The following PSG3 variants were observed in gnomAD, a reference collection of about 807,000 sequenced individuals.
PSG3 encodes pregnancy specific beta-1-glycoprotein 3.
Under a neutral mutation model 47.5 loss-of-function variants are expected in PSG3, and 61 were observed. That is an observed-to-expected ratio of 1.28 (90% CI 1.05 to 1.59). PSG3 has a LOEUF of 1.59. Ranked by LOEUF, PSG3 falls within the 40% of genes most tolerant of loss-of-function variation. The pLI is 0.00. For missense variants in PSG3, 756 were observed against 524.0 expected (o/e 1.44, Z -4.32); for synonymous variants, 263 against 198.4 (o/e 1.33, Z -2.74).
At chr19:42,736,257 A>G (rs1341452514) in intron 2 of PSG3, among the ~76,000 whole-genome samples, 1 of 152,220 alleles carries the variant, frequency 6.6e-6, no homozygotes, top group Non-Finnish European at 1.5e-5. Flanking sequence ...TCCTATAGAT[A>G]ACATCACTAT....
At chr19:42,728,837 CCTT>C (rs1224107851) in intron 5 of PSG3, among the ~76,000 whole-genome samples, 1 of 152,206 alleles carries the variant, frequency 6.6e-6, no homozygotes, top group Non-Finnish European at 1.5e-5. Context: ...TGAGGACTCT[CCTT>C]CTTGTCCCTC....
intron 5 of PSG3, among the ~76,000 whole-genome samples, chr19:42,726,347 A>C (rs2122164418): frequency 6.6e-6 from 1 of 152,308 alleles, no homozygotes; most frequent in African/African-American, 2.4e-5. Context: ...GAAGGAGTAA[A>C]ATTATTTCTG....
chr19:42,726,165 T>C (rs536736425), intron 5 of PSG3, among the ~76,000 whole-genome samples: 2 of 152,138 alleles, frequency 1.3e-5, no homozygotes, highest in South Asian at 4.1e-4. Flanking sequence ...AGGCAATATG[T>C]GAAAAACCCA....
chr19:42,738,384 C>A (rs530140212), intron 2 of PSG3, among the ~76,000 whole-genome samples: 17 of 152,284 alleles, frequency 1.1e-4, no homozygotes, highest in African/African-American at 3.9e-4. Flanking sequence ...TTTCATGGGG[C>A]CCCTGAGGCC....
chr19:42,738,424 T>G (rs1331658811), intron 2 of PSG3, among the ~76,000 whole-genome samples: 1 of 152,206 alleles, frequency 6.6e-6, no homozygotes, highest in African/African-American at 2.4e-5. Flanking sequence ...AGGGTCTTTC[T>G]CAGGGTCAAA....
At chr19:42,737,416 T>C (rs60594018) in intron 2 of PSG3, among the ~76,000 whole-genome samples, 1,665 of 152,098 alleles carry the variant, frequency 0.011, 33 homozygotes, top group African/African-American at 0.039. Context: ...AGGGTGTGAG[T>C]GGGGAAAGAA....
At position 42,729,233 on chromosome 19, in the gene PSG3, T is replaced by C. The variant is rs761109439; in HGVS notation, c.1133A>G (p.Lys378Arg). 1 of 1,614,016 alleles carries C rather than the reference T, an allele frequency of 6.2e-7. No homozygotes were observed. The highest frequency in any genetic ancestry group is 8.5e-7 in the Non-Finnish European group (1 of 1,179,910). Residue 378 changes from lysine (K) to arginine (R), a missense_variant, in exon 5 of 7, where the codon AAG becomes AGG. By Grantham distance (26) the Lys-to-Arg change is conservative (BLOSUM62 2). Transcript: ENST00000327495. ...INGKFQLSGQ[K>R]LFIPQITTKH... ...TGTAGTAATCTGGGGGATAAAGAGC[T>C]TTTGTCCTGATAGCTGAAACTTCCC... is the stretch of plus-strand genomic sequence containing the variant.
rs1305279486 is a variant in PSG3 at position 42,729,202 on chromosome 19, A to G, written c.1164T>C (p.His388=). ...GAACAGAGCAAGCATAGAGCCCGCT[A>G]TGCTTTGTAGTAATCTGGGGGATAA... is the stretch of plus-strand genomic sequence containing the variant. ...KLFIPQITTK[H]SGLYACSVRN... The change falls in exon 5 of 7, where the codon CAT becomes CAC. Residue 388 remains histidine, a synonymous_variant. Transcript: ENST00000327495. The G allele has an allele frequency of 1.2e-6, 2 of 1,613,918 alleles. No homozygotes were observed. Among genetic ancestry groups the G allele is most frequent in the African/African-American group, 1.3e-5 (1 of 74,932 alleles).
intron 2 of PSG3, 137 bp downstream of exon 2, chr19:42,738,587 C>T (rs192258437): frequency 5.2e-5 from 79 of 1,532,982 alleles, no homozygotes. Flanking sequence ...CTGTGTGTGT[C>T]CTGCACTAAA....
At chr19:42,736,658 G>GTGTGTA (rs1969569235) in intron 2 of PSG3, among the ~76,000 whole-genome samples, 1 of 148,242 alleles carries the variant, frequency 6.7e-6, no homozygotes, top group African/African-American at 2.5e-5. Context: ...GTGTGTGTGT[G>GTGTGTA]TGCAGGAGGC....
intron 6 of PSG3, among the ~76,000 whole-genome samples, chr19:42,723,474 A>G (rs1241474677): frequency 6.6e-6 from 1 of 152,242 alleles, no homozygotes; most frequent in African/African-American, 2.4e-5. Flanking sequence ...TGAACTTATC[A>G]AAGTGGCTAG....
intron 6 of PSG3, among the ~76,000 whole-genome samples, chr19:42,723,352 A>G (rs1162493660): frequency 1.3e-5 from 2 of 152,202 alleles, no homozygotes; most frequent in Non-Finnish European, 2.9e-5. Context: ...TTTTATATCT[A>G]TATGGGTGAA....
intron 1 of PSG3, chr19:42,739,385 T>C: frequency 5.0e-6 from 2 of 396,824 alleles, no homozygotes; most frequent in South Asian, 3.2e-5. Flanking sequence ...CACACTGCCC[T>C]CAGGTCCTGC....
chr19:42,739,215 A>AACACAC, intron 1 of PSG3, 126 bp from the exon 2 acceptor site: 1 of 1,305,248 alleles, frequency 7.7e-7, no homozygotes, highest in South Asian at 1.5e-5. Flanking sequence ...CACACATACA[A>AACACAC]ACACACACAC....
chr19:42,725,435 A>G (rs2122161781), intron 5 of PSG3, among the ~76,000 whole-genome samples: 1 of 152,346 alleles, frequency 6.6e-6, no homozygotes, highest in East Asian at 1.9e-4. Context: ...AATAAAATGG[A>G]GAATGGAAAA....
chr19:42,737,965 T>G (rs960413607), intron 2 of PSG3, among the ~76,000 whole-genome samples: 1 of 152,230 alleles, frequency 6.6e-6, no homozygotes, highest in African/African-American at 2.4e-5. Flanking sequence ...TTTGCTTCCA[T>G]GAGAAAGCAC....
rs372539114 is a variant in PSG3, at chr19:42,732,996, C to T, written c.497G>A (p.Ser166Asn). 1 of 1,614,168 alleles carries T rather than the reference C, an allele frequency of 6.2e-7. No individual in the cohort carries two copies. Among genetic ancestry groups the T allele is most frequent in the Non-Finnish European group, 8.5e-7 (1 of 1,180,036 alleles). Reference protein sequence around the residue: ...LYPREDMEAVSLTCDPETPDA... With the variant: ...LYPREDMEAVNLTCDPETPDA... ...CGGAGTCTCAGGATCACAGGTTAAG[C>T]TCACAGCCTCCATGTCCTCCCTGGG... Residue 166 changes from serine to asparagine, a missense_variant, in exon 3 of 7, where the codon AGC becomes AAC. Ser to Asn is a conservative substitution (Grantham distance 46). Transcript: ENST00000327495.
intron 2 of PSG3, among the ~76,000 whole-genome samples, chr19:42,734,427 C>T (rs138647263): frequency 0.033 from 5,027 of 152,020 alleles, 260 homozygotes; most frequent in African/African-American, 0.11. Flanking sequence ...TCTGGATTTC[C>T]GATGCTCAAT....
intron 5 of PSG3, among the ~76,000 whole-genome samples, chr19:42,724,989 G>A (rs1443576297): frequency 6.6e-6 from 1 of 152,076 alleles, no homozygotes; most frequent in Non-Finnish European, 1.5e-5. Flanking sequence ...ACCCTGTGAG[G>A]TAGACATTAT....
Sources: allele counts gnomAD v4.1 joint callset (sites outside exome capture counted in the v4.1 genomes callset), GRCh38; gene constraint gnomAD v4.1.1; transcripts MANE v1.5; gene names NCBI Gene and HGNC (gene_info 2026-07-23, HGNC 2026-07-21).